The following RBFOX1 variants were observed in gnomAD, a reference collection of about 807,000 sequenced individuals.
The protein encoded by RBFOX1 is RNA binding protein fox-1 homolog 1.
In RBFOX1, 8 loss-of-function variants were observed where a neutral mutation model predicts 57.7. That is an observed-to-expected ratio of 0.14 (90% confidence interval 0.08 to 0.25). The LOEUF (loss-of-function observed/expected upper bound fraction) is 0.25, where lower values mean the gene tolerates loss of function less well. Ranked by LOEUF, RBFOX1 falls within the 10% of genes least tolerant of loss-of-function variation. The pLI is 1.00. For synonymous variants in RBFOX1, 326 were observed against 222.4 expected (o/e 1.47, Z -4.15); for missense variants, 611 against 548.5 (o/e 1.11, Z -1.14).
intron 4 of RBFOX1, among the ~76,000 whole-genome samples, chr16:7,299,948 C>T (rs1020310773): frequency 1.3e-5 from 2 of 152,178 alleles, no homozygotes; most frequent in Non-Finnish European, 2.9e-5. Flanking sequence ...GATGTGACCC[C>T]ATCGCAAGTC....
At chr16:5,647,445 A>G (rs944103182) in intron 3 of RBFOX1, among the ~76,000 whole-genome samples, 1 of 152,178 alleles carries the variant, frequency 6.6e-6, no homozygotes, top group African/African-American at 2.4e-5. Context: ...TGTTTTTGGC[A>G]ACATGTAAAC....
At chr16:6,831,109 C>G (rs1201599552) in intron 3 of RBFOX1, among the ~76,000 whole-genome samples, 5 of 152,192 alleles carry the variant, frequency 3.3e-5, no homozygotes, top group Non-Finnish European at 7.3e-5. Context: ...TCATACTACT[C>G]CATTATCACT....
intron 14 of RBFOX1, among the ~76,000 whole-genome samples, chr16:7,704,287 C>A (rs1369428684): frequency 1.3e-5 from 2 of 152,194 alleles, no homozygotes; most frequent in African/African-American, 2.4e-5. Context: ...GCCAGGAAAG[C>A]AGTCCTCTTT....
intron 1 of RBFOX1, among the ~76,000 whole-genome samples, chr16:6,134,132 TC>T (rs1464059640): frequency 1.3e-5 from 2 of 152,050 alleles, no homozygotes; most frequent in Non-Finnish European, 2.9e-5. Flanking sequence ...AGACAGGGTT[TC>T]ACCATGTTGG....
intron 1 of RBFOX1, among the ~76,000 whole-genome samples, chr16:6,155,320 C>T (rs1397109671): frequency 1.3e-5 from 2 of 152,108 alleles, no homozygotes; most frequent in African/African-American, 4.8e-5. Context: ...CAGTGTTCAG[C>T]GCCGTGGAGC....
chr16:7,547,314 G>A (rs1443952591), intron 5 of RBFOX1, among the ~76,000 whole-genome samples: 1 of 152,224 alleles, frequency 6.6e-6, no homozygotes, highest in Admixed American at 6.5e-5. Flanking sequence ...GACTTACAAA[G>A]TCTGTTTGTA....
chr16:7,292,583 G>A (rs1376144277), intron 4 of RBFOX1, among the ~76,000 whole-genome samples: 1 of 149,698 alleles, frequency 6.7e-6, no homozygotes, highest in Non-Finnish European at 1.5e-5. Flanking sequence ...GTTGTGCACG[G>A]TGATGACGAT....
At chr16:6,307,518 C>T (rs987031275) in intron 1 of RBFOX1, among the ~76,000 whole-genome samples, 1 of 146,252 alleles carries the variant, frequency 6.8e-6, no homozygotes, top group African/African-American at 2.5e-5. Context: ...AAATAATAGT[C>T]ATTATATAAT....
intron 2 of RBFOX1, among the ~76,000 whole-genome samples, chr16:6,523,024 GA>G (rs1222935519): frequency 1.3e-5 from 2 of 152,154 alleles, no homozygotes; most frequent in Admixed American, 1.3e-4. Flanking sequence ...TCCTACATAA[GA>G]AAACTCCTTC....
chr16:7,602,259 G>A (rs1163766101), intron 9 of RBFOX1, among the ~76,000 whole-genome samples: 1 of 152,176 alleles, frequency 6.6e-6, no homozygotes, highest in Non-Finnish European at 1.5e-5. Context: ...TTGGGGAGGG[G>A]AGTGCAAATT....
chr16:5,376,129 C>T (rs1342933017), intron 1 of RBFOX1, among the ~76,000 whole-genome samples: 3 of 150,858 alleles, frequency 2.0e-5, no homozygotes, highest in Non-Finnish European at 4.4e-5. Context: ...AATTGTGCCA[C>T]TGCTTTCCAG....
chr16:5,850,084 T>C (rs1483441613), intron 3 of RBFOX1, among the ~76,000 whole-genome samples: 2 of 152,210 alleles, frequency 1.3e-5, no homozygotes, highest in Non-Finnish European at 2.9e-5. Flanking sequence ...CTGTTTACTC[T>C]GAACCCAGGC....
chr16:5,901,625 G>T (rs1268790863), intron 4 of RBFOX1, among the ~76,000 whole-genome samples: 1 of 152,160 alleles, frequency 6.6e-6, no homozygotes, highest in East Asian at 1.9e-4. Context: ...GCCTCATGGA[G>T]CTCAAGGCTG....
intron 2 of RBFOX1, among the ~76,000 whole-genome samples, chr16:6,429,103 G>A (rs1055332407): frequency 5.9e-5 from 9 of 152,210 alleles, no homozygotes; most frequent in African/African-American, 2.2e-4. Context: ...GGATTAAGGA[G>A]CATATTCAGT....
chr16:7,325,839 T>C (rs139503664), intron 4 of RBFOX1, among the ~76,000 whole-genome samples: 59 of 152,334 alleles, frequency 3.9e-4, no homozygotes, highest in African/African-American at 1.3e-3. Flanking sequence ...AAATATTATG[T>C]AGCATCTCAG....
At chr16:6,857,742 G>C (rs1356682168) in intron 3 of RBFOX1, among the ~76,000 whole-genome samples, 1 of 152,158 alleles carries the variant, frequency 6.6e-6, no homozygotes, top group Non-Finnish European at 1.5e-5. Context: ...GGGAGAGGCA[G>C]GGAGAGCAGT....
intron 3 of RBFOX1, among the ~76,000 whole-genome samples, chr16:6,676,673 C>CTTTTTTTTTTTTTTTTT (rs756578276): frequency 5.2e-4 from 54 of 103,570 alleles, no homozygotes; most frequent in African/African-American, 7.2e-4. Flanking sequence ...TTTTTCTTTT[C>CTTTTTTTTTTTTTTTTT]TTTTTTTTTT....
intron 3 of RBFOX1, among the ~76,000 whole-genome samples, chr16:6,984,940 A>G (rs923737): frequency 0.78 from 119,031 of 152,088 alleles, 47,117 homozygotes; most frequent in African/African-American, 0.9. Flanking sequence ...TGCACCCGGT[A>G]CCTTCTTTAC....
chr16:5,429,129 G>C (rs1447787748), intron 1 of RBFOX1, among the ~76,000 whole-genome samples: 1 of 152,140 alleles, frequency 6.6e-6, no homozygotes, highest in Non-Finnish European at 1.5e-5. Context: ...CTCTCTGCCT[G>C]ACTCAGCCCT....
Sources: gnomAD v4.1 joint callset for allele counts (sites outside exome capture counted in the v4.1 genomes callset) on GRCh38, gnomAD v4.1.1 for gene constraint, MANE v1.5 for transcripts, NCBI Gene and HGNC (gene_info 2026-07-23, HGNC 2026-07-21) for gene names.